The following RUFY2 variants were observed in gnomAD, a reference collection of about 807,000 sequenced individuals.
RUFY2 encodes the protein RUN and FYVE domain containing 2.
A neutral mutation model predicts 94.4 loss-of-function variants in RUFY2; 49 were observed. The observed-to-expected ratio is 0.52, with a 90% CI of 0.41 to 0.66. RUFY2 has a LOEUF of 0.66. RUFY2 is among the 30% of genes least tolerant of loss of function. The pLI, the probability that RUFY2 is intolerant of heterozygous loss-of-function variation, is 0.00. For synonymous variants in RUFY2, 255 were observed against 235.7 expected (o/e 1.08, Z -0.75); for missense variants, 541 against 692.8 (o/e 0.78, Z 2.46).
chr10:68,370,008 G>A (rs955263969), intron 13 of RUFY2, among the ~76,000 whole-genome samples: 1 of 152,062 alleles, frequency 6.6e-6, no homozygotes, highest in African/African-American at 2.4e-5. Context: ...TCTAGGCCGG[G>A]CACGGGGGCT....
chr10:68,392,008 T>A (rs996944423), intron 7 of RUFY2, among the ~76,000 whole-genome samples: 2 of 150,446 alleles, frequency 1.3e-5, no homozygotes, highest in Non-Finnish European at 3.0e-5. Context: ...AAACTATGCA[T>A]CTCATATATT....
At chr10:68,359,308 A>G (rs1354587119) in intron 15 of RUFY2, among the ~76,000 whole-genome samples, 1 of 150,488 alleles carries the variant, frequency 6.6e-6, no homozygotes, top group South Asian at 2.1e-4. Context: ...ATATACATAT[A>G]TACGTATATA....
Position 68,404,826 on chromosome 10 carries a change from G to A in RUFY2, c.23C>T (p.Ala8Val). 1 of 1,575,152 alleles carries A rather than the reference G, an allele frequency of 6.3e-7. No individual in the cohort carries two copies. Among genetic ancestry groups the A allele is most frequent in the East Asian group, 2.3e-5 (1 of 42,900 alleles). MATKDPTAVERANLLNMA... is the reference protein window; with the variant it reads MATKDPTVVERANLLNMA... ...GTTTAACAAGTTTGCTCTCTCTACA[G>A]CTGTGGGGTCTTTTGTAGCTGAAAA... Residue 8 changes from alanine (A) to valine (V), a missense_variant, in exon 2 of 18, where the codon GCT becomes GTT. Around this residue, in one of 3 missense-constraint regions of RUFY2, gnomAD observed 53 missense variants for 58.6 expected, o/e 0.90. Transcript: ENST00000602465.
Position 68,364,055 on chromosome 10 carries a change from C to T in RUFY2, c.1384G>A (p.Asp462Asn), listed in dbSNP as rs1364831836. The T allele has an allele frequency of 1.2e-6, 2 of 1,612,912 alleles. No individual in the cohort carries two copies. Among genetic ancestry groups the T allele is most frequent in the Non-Finnish European group, 1.7e-6 (2 of 1,179,170 alleles). ...AAGGCATCTTTCTCCTTTTGAAGAT[C>T]TTCCTGCAAAGTCTGCCTCCATTCC... Reference protein sequence around the residue: ...EKEWRQTLQEDLQKEKDALSH... With the variant: ...EKEWRQTLQENLQKEKDALSH... The change falls in exon 14 of 18, where the codon GAT becomes AAT. Residue 462 changes from aspartate to asparagine, a missense_variant. Coordinates refer to ENST00000602465, the MANE Select transcript of RUFY2 (RefSeq NM_001330103.2).
chr10:68,362,180 A>G (rs1411333276), intron 15 of RUFY2, among the ~76,000 whole-genome samples: 26 of 151,948 alleles, frequency 1.7e-4, no homozygotes, highest in Non-Finnish European at 1.5e-5. Context: ...AAAAAAAATT[A>G]GCCAGGTATG....
At chr10:68,388,485 CTA>C (rs984491930) in intron 7 of RUFY2, among the ~76,000 whole-genome samples, 14 of 151,798 alleles carry the variant, frequency 9.2e-5, no homozygotes, top group African/African-American at 3.4e-4. Flanking sequence ...TACTTTTTTT[CTA>C]TATGTTTTCT....
chr10:68,386,700 T>C (rs1457685654), intron 7 of RUFY2, among the ~76,000 whole-genome samples: 1 of 152,152 alleles, frequency 6.6e-6, no homozygotes, highest in African/African-American at 2.4e-5. Context: ...TAACTGAAAA[T>C]ATTTGGGAAT....
At position 68,363,649 on chromosome 10, in the gene RUFY2, C is replaced by T. The variant is rs374324312; in HGVS notation, c.1491G>A (p.Leu497=). Residue 497 remains leucine (L), a synonymous_variant, in exon 15 of 18, where the codon TTG becomes TTA. Coordinates refer to ENST00000602465, the MANE Select transcript of RUFY2 (RefSeq NM_001330103.2). ...GCTCTTGTTCATGATATATTTTTTT[C>T]AACTGCTGATTTTCATCCTGGAGGT... is the stretch of plus-strand genomic sequence containing the variant. The part of the protein sequence containing the change: ...FLNLQDENQQ[L]KKIYHEQEQA... The T allele has an allele frequency of 1.2e-6, 2 of 1,607,356 alleles. No individual in the cohort carries two copies. Among genetic ancestry groups the T allele is most frequent in the South Asian group, 1.1e-5 (1 of 89,558 alleles).
intron 13 of RUFY2, among the ~76,000 whole-genome samples, chr10:68,371,290 T>A (rs527640565): frequency 7.9e-4 from 120 of 151,274 alleles, no homozygotes; most frequent in African/African-American, 2.9e-3. Context: ...GGCGTGGTGG[T>A]AGGTGCCTAT....
chr10:68,384,822 G>A (rs1317602784), intron 8 of RUFY2, among the ~76,000 whole-genome samples: 1 of 152,178 alleles, frequency 6.6e-6, no homozygotes, highest in African/African-American at 2.4e-5. Context: ...GAATCAACTT[G>A]AACTTCACAG....
At chr10:68,394,035 T>TA in intron 6 of RUFY2, 40 bp downstream of exon 6, 1 of 1,484,966 alleles carries the variant, frequency 6.7e-7, no homozygotes, top group Non-Finnish European at 9.0e-7. Context: ...AAGAGCTATA[T>TA]AAAAAACCCA....
chr10:68,394,243 T>C lies in RUFY2; in HGVS notation c.522+85A>G. 1.9e-6 allele frequency: 3 copies of C among 1,600,890 alleles called. No individual in the cohort carries two copies. The South Asian group carries it at 3.3e-5, about 18-fold the overall frequency. ...ATTCCTTTAGTGTTTAACAGTCCTG[T>C]TTACAACTTCAAATGACACCTGATC... On this transcript the variant is annotated intron_variant, in intron 5 of 17. Transcript: ENST00000602465.
chr10:68,381,825 G>A (rs550588874), intron 10 of RUFY2, among the ~76,000 whole-genome samples: 8 of 152,322 alleles, frequency 5.3e-5, no homozygotes, highest in African/African-American at 1.9e-4. Flanking sequence ...TCCAGCGGGG[G>A]CAAGAGAGTA....
chr10:68,374,027 G>A (rs1035120186), intron 13 of RUFY2, among the ~76,000 whole-genome samples: 7 of 149,054 alleles, frequency 4.7e-5, no homozygotes, highest in South Asian at 4.3e-4. Context: ...GAGGTTGGGA[G>A]GATTGCTTGA....
At chr10:68,353,604 A>G (rs922140763) in intron 16 of RUFY2, among the ~76,000 whole-genome samples, 8 of 151,804 alleles carry the variant, frequency 5.3e-5, no homozygotes, top group Non-Finnish European at 2.9e-5. Context: ...GTTCAAGACC[A>G]CTCTAGACAA....
At chr10:68,406,367 A>C (rs1434233628) in intron 1 of RUFY2, among the ~76,000 whole-genome samples, 1 of 152,140 alleles carries the variant, frequency 6.6e-6, no homozygotes, top group Admixed American at 6.6e-5. Flanking sequence ...TCTGACTCCC[A>C]CTATTTTTCG....
At chr10:68,376,711 A>G in intron 13 of RUFY2, 142 bp downstream of exon 13, 1 of 707,368 alleles carries the variant, frequency 1.4e-6, no homozygotes. Flanking sequence ...TATTTTCTAA[A>G]TTTTTTTGTT....
intron 8 of RUFY2, among the ~76,000 whole-genome samples, chr10:68,384,357 T>G (rs1023795838): frequency 6.6e-6 from 1 of 152,238 alleles, no homozygotes; most frequent in Non-Finnish European, 1.5e-5. Flanking sequence ...TATTTCCTTT[T>G]GAATTATTCC....
chr10:68,379,569 GTT>G, intron 11 of RUFY2, 48 bp from the exon 12 acceptor site: 5 of 1,254,356 alleles, frequency 4.0e-6, no homozygotes, highest in Non-Finnish European at 3.5e-6. Context: ...GTGTGTGTGT[GTT>G]TGTGTGTGTG....
Sources: allele counts gnomAD v4.1 joint callset (sites outside exome capture counted in the v4.1 genomes callset), GRCh38; gene constraint gnomAD v4.1.1; regional missense constraint gnomAD v4.1.1; transcripts MANE v1.5; gene names NCBI Gene and HGNC (gene_info 2026-07-23, HGNC 2026-07-21).